The following SBF2 variants were observed in gnomAD, a reference collection of about 807,000 sequenced individuals.
The protein encoded by SBF2 is SET binding factor 2, also known as myotubularin-related protein 13.
In SBF2, 112 loss-of-function variants were observed where a neutral mutation model predicts 225.2. The observed-to-expected ratio is 0.50, with a 90% CI of 0.43 to 0.58. The LOEUF (loss-of-function observed/expected upper bound fraction) is 0.58, where lower values mean the gene tolerates loss of function less well. SBF2 is among the 20% of genes least tolerant of loss of function. The pLI is 0.00. For missense variants in SBF2, 1,996 were observed against 2,206.2 expected (o/e 0.90, Z 1.91); for synonymous variants, 763 against 773.3 (o/e 0.99, Z 0.22).
chr11:9,897,708 G>A (rs1043858051), intron 16 of SBF2, among the ~76,000 whole-genome samples: 1 of 152,140 alleles, frequency 6.6e-6, no homozygotes, highest in Admixed American at 6.6e-5. Flanking sequence ...TCATCCATCC[G>A]TTATAAGTTT....
chr11:9,979,410 A>C (rs1946843970), intron 13 of SBF2, among the ~76,000 whole-genome samples: 1 of 152,200 alleles, frequency 6.6e-6, no homozygotes, highest in Admixed American at 6.5e-5. Context: ...ATAATAGGTC[A>C]AAAGAAATTT....
chr11:10,037,984 C>T (rs1949510564), intron 3 of SBF2, among the ~76,000 whole-genome samples: 1 of 151,924 alleles, frequency 6.6e-6, no homozygotes, highest in Non-Finnish European at 1.5e-5. Context: ...AATAGCTCAT[C>T]AACTGTTTAA....
intron 17 of SBF2, among the ~76,000 whole-genome samples, chr11:9,887,183 T>C (rs1412393568): frequency 1.3e-5 from 2 of 151,770 alleles, no homozygotes; most frequent in East Asian, 3.8e-4. Flanking sequence ...TCAAAAAAAG[T>C]TGATAAGTTC....
At chr11:9,805,523 T>TG (rs1166874266) in intron 32 of SBF2, among the ~76,000 whole-genome samples, 3 of 152,180 alleles carry the variant, frequency 2.0e-5, no homozygotes, top group Non-Finnish European at 4.4e-5. Context: ...CACTGAAGGT[T>TG]TTTGTTTGTT....
intron 24 of SBF2, chr11:9,844,015 T>C (rs1227610175): frequency 1.3e-5 from 2 of 152,234 alleles, no homozygotes; most frequent in African/African-American, 4.8e-5. Flanking sequence ...ACAGGCTTGA[T>C]ACAGGTATAT....
intron 16 of SBF2, chr11:9,959,154 G>C (rs1042029673): frequency 1.1e-6 from 1 of 873,722 alleles, no homozygotes; most frequent in Non-Finnish European, 2.0e-6. Context: ...AGGTCACCCA[G>C]AGATGATCTT....
At chr11:10,111,305 T>C (rs1032669901) in intron 2 of SBF2, among the ~76,000 whole-genome samples, 4 of 152,228 alleles carry the variant, frequency 2.6e-5, no homozygotes, top group Non-Finnish European at 5.9e-5. Flanking sequence ...TAATTACTTT[T>C]TAATTTATGG....
intron 13 of SBF2, among the ~76,000 whole-genome samples, chr11:9,970,509 T>A (rs888191213): frequency 6.6e-6 from 1 of 152,178 alleles, no homozygotes; most frequent in Admixed American, 6.5e-5. Flanking sequence ...CATCACTTCT[T>A]AGGGCTGCTC....
At chr11:9,961,801 T>TA (rs1447116776) in intron 16 of SBF2, 156 bp downstream of exon 16, 1 of 595,954 alleles carries the variant, frequency 1.7e-6, no homozygotes, top group African/African-American at 1.9e-5. Context: ...TGCCAAGTAA[T>TA]AAAAAAGTAT....
At chr11:9,844,614 C>G (rs889426257) in intron 24 of SBF2, among the ~76,000 whole-genome samples, 6 of 151,792 alleles carry the variant, frequency 4.0e-5, no homozygotes, top group Admixed American at 2.6e-4. Context: ...GATCCTGGAC[C>G]AGGAATAAAA....
chr11:10,169,121 G>A (rs2088226471), intron 2 of SBF2, among the ~76,000 whole-genome samples: 1 of 152,060 alleles, frequency 6.6e-6, no homozygotes, highest in Admixed American at 6.5e-5. Context: ...TGCATATAAT[G>A]CATAATAATC....
At chr11:9,933,312 A>C (rs921280712) in intron 16 of SBF2, among the ~76,000 whole-genome samples, 2 of 152,216 alleles carry the variant, frequency 1.3e-5, no homozygotes, top group African/African-American at 4.8e-5. Flanking sequence ...AGTGGACCTA[A>C]TGGACATCTA....
intron 31 of SBF2, 58 bp from the exon 32 acceptor site, chr11:9,808,243 T>A: frequency 6.9e-7 from 1 of 1,454,582 alleles, no homozygotes; most frequent in Non-Finnish European, 9.5e-7. Context: ...GGCCTATTAC[T>A]AAGATAAAAG....
At chr11:10,124,062 C>T (rs1385375416) in intron 2 of SBF2, among the ~76,000 whole-genome samples, 1 of 152,154 alleles carries the variant, frequency 6.6e-6, no homozygotes, top group African/African-American at 2.4e-5. Context: ...TCTTCATTCA[C>T]TTTTATTTTA....
chr11:10,182,854 A>G (rs1591159582), intron 2 of SBF2, among the ~76,000 whole-genome samples: 1 of 151,536 alleles, frequency 6.6e-6, no homozygotes, highest in Non-Finnish European at 1.5e-5. Context: ...TCTCACTGCA[A>G]CCTCCGTGTC....
intron 2 of SBF2, among the ~76,000 whole-genome samples, chr11:10,120,537 G>C (rs1230470251): frequency 6.6e-6 from 1 of 152,118 alleles, no homozygotes; most frequent in East Asian, 1.9e-4. Flanking sequence ...CACAATGGCT[G>C]TACCATGTTA....
At chr11:10,024,679 G>C (rs756664672) in intron 6 of SBF2, among the ~76,000 whole-genome samples, 2 of 152,052 alleles carry the variant, frequency 1.3e-5, no homozygotes, top group Non-Finnish European at 2.9e-5. Context: ...GCCAGAATTT[G>C]GGATGCAAGC....
rs925363106 is a variant in SBF2, at chr11:9,941,798, A to T, written c.1860+20159T>A. Reference sequence around the variant, plus strand: ...TTGCCAGAAAATAAGAAAGAAAAAAAATATATATATAACGTTTAGAAAGTG... The same window carrying T: ...TTGCCAGAAAATAAGAAAGAAAAAATATATATATATAACGTTTAGAAAGTG... On this transcript the variant is annotated intron_variant, in intron 16 of 39. Coordinates refer to ENST00000256190, the MANE Select transcript of SBF2 (RefSeq NM_030962.4). 1.1e-4 allele frequency among the ~76,000 whole-genome samples: 17 copies of T among 152,156 alleles called. No homozygotes were observed. The South Asian group carries it at 2.3e-3, about 20-fold the overall frequency.
Position 9,962,071 on chromosome 11 carries a change from C to A in SBF2, c.1746G>T (p.Lys582Asn), listed in dbSNP as rs531757616. 6.2e-7 allele frequency: 1 copy of A among 1,614,114 alleles called. No homozygotes were observed. The highest frequency in any genetic ancestry group is 1.1e-5 in the South Asian group (1 of 91,088). The change falls in exon 16 of 40, where the codon AAG becomes AAT. Residue 582 changes from lysine (K) to asparagine (N), a missense_variant. Physicochemically the swap from Lys to Asn is moderately conservative, Grantham distance 94. Coordinates refer to ENST00000256190, the MANE Select transcript of SBF2 (RefSeq NM_030962.4). ...LPAALRALKG[K>N]AARQCLTDEL... is the part of the protein sequence containing the mutation. ...CATCAGTGAGACACTGTCTTGCTGC[C>A]TTTCCTTTAAGGGCTCTGAGTGCAG...
Sources: gnomAD v4.1 joint callset for allele counts (sites outside exome capture counted in the v4.1 genomes callset) on GRCh38, gnomAD v4.1.1 for gene constraint, MANE v1.5 for transcripts, NCBI Gene and HGNC (gene_info 2026-07-23, HGNC 2026-07-21) for gene names.